Variants in SFT2D2 observed in about 807,000 individuals in gnomAD.
The protein encoded by SFT2D2 is SFT2 domain containing 2, also known as vesicle transport protein SFT2B.
SFT2D2 carries 21 observed loss-of-function variants against 27.4 expected under a neutral mutation model. The observed-to-expected ratio is 0.77, with a 90% CI of 0.54 to 1.10. The LOEUF is 1.10. Ranked by LOEUF, SFT2D2 falls within the 50% of genes least tolerant of loss-of-function variation. The pLI is 0.00. For synonymous variants in SFT2D2, 72 were observed against 71.7 expected (o/e 1.00, Z -0.02); for missense variants, 187 against 194.2 (o/e 0.96, Z 0.22).
At chr1:168,226,473 CG>C (rs1033916278) in intron 1 of SFT2D2, among the ~76,000 whole-genome samples, 2 of 152,142 alleles carry the variant, frequency 1.3e-5, no homozygotes, top group Non-Finnish European at 2.9e-5. Context: ...GCTTTAGGGC[CG>C]GGTAGGGCTG....
At chr1:168,234,798 A>G (rs1052131527) in intron 3 of SFT2D2, among the ~76,000 whole-genome samples, 1 of 152,158 alleles carries the variant, frequency 6.6e-6, no homozygotes, top group East Asian at 1.9e-4. Flanking sequence ...TATCCAACCT[A>G]GTGGTATGAT....
At position 168,231,852 on chromosome 1, in the gene SFT2D2, G is replaced by A. The variant is rs368001850; in HGVS notation, c.169G>A (p.Val57Met). 5 of 1,613,992 alleles carry A rather than the reference G, an allele frequency of 3.1e-6. No homozygotes were observed. Among genetic ancestry groups the A allele is most frequent in the Admixed American group, 1.7e-5 (1 of 59,996 alleles). ...CSLLGTVLLW[V>M]PRKGLHLFAV... ...ATTCCAGGGTACTGTTCTGCTGTGGGTGCCCAGGAAGGGACTACACCTCTT... is the reference window on the plus strand; with the variant it reads ...ATTCCAGGGTACTGTTCTGCTGTGGATGCCCAGGAAGGGACTACACCTCTT... Residue 57 changes from valine (V) to methionine (M), a missense_variant, in exon 3 of 8, where the codon GTG becomes ATG. Val to Met is a conservative substitution (Grantham distance 21). Transcript: ENST00000271375.
intron 1 of SFT2D2, among the ~76,000 whole-genome samples, chr1:168,229,420 C>T (rs1700491124): frequency 6.6e-6 from 1 of 152,246 alleles, no homozygotes; most frequent in Admixed American, 6.5e-5. Context: ...TTATCCTCTT[C>T]AAATAGAAAG....
intron 1 of SFT2D2, among the ~76,000 whole-genome samples, chr1:168,227,422 GT>G (rs1405155052): frequency 2.3e-4 from 35 of 152,236 alleles, no homozygotes; most frequent in African/African-American, 8.4e-4. Flanking sequence ...ATTTTATTCG[GT>G]TTTGTTTTGT....
At position 168,246,616 on chromosome 1, in the gene SFT2D2, G is replaced by C; in HGVS notation, c.*4076G>C. On this transcript the variant is annotated 3_prime_UTR_variant, in exon 8 of 8. Coordinates refer to ENST00000271375, the MANE Select transcript of SFT2D2 (RefSeq NM_199344.3). ...CTGTAAATGACGCAATTTATCTACT[G>C]TGCCCTGGAAATCAAGCTCTTGGTC... 6.8e-7 allele frequency: 1 copy of C among 1,462,548 alleles called. No homozygotes were observed. Among genetic ancestry groups the C allele is most frequent in the Non-Finnish European group, 9.4e-7 (1 of 1,061,228 alleles). 90.6% of individuals were successfully genotyped at this position (1,462,548 alleles called of 1,614,324 possible).
intron 4 of SFT2D2, among the ~76,000 whole-genome samples, chr1:168,235,567 C>T (rs1211156322): frequency 2.0e-5 from 3 of 152,184 alleles, no homozygotes; most frequent in Non-Finnish European, 4.4e-5. Context: ...GGTGGGTGTC[C>T]TGTCTTATAG....
rs1298486128 is a variant in SFT2D2, at chr1:168,236,709, C to T, written c.355-3C>T. On this transcript the variant is annotated splice_polypyrimidine_tract_variant and splice_region_variant and intron_variant, in intron 5 of 7. Coordinates refer to ENST00000271375, the MANE Select transcript of SFT2D2 (RefSeq NM_199344.3). ...TCCTATAACCATATTATTATTTTTC[C>T]AGTGGCATAACAAGGGACTTGCACT... 14 of 1,613,832 alleles carry T rather than the reference C, an allele frequency of 8.7e-6. No individual in the cohort carries two copies. The highest frequency in any genetic ancestry group is 1.2e-5 in the Non-Finnish European group (14 of 1,180,036).
chr1:168,233,956 T>C lies in SFT2D2; in HGVS notation c.237-1145T>C, dbSNP rs184847799. Reference sequence around the variant, plus strand: ...TTCTCTTAGTTGGGACACTTGAGAGTGAAGCCTTGCAACTTAATGGCACTT... The same window carrying C: ...TTCTCTTAGTTGGGACACTTGAGAGCGAAGCCTTGCAACTTAATGGCACTT... On this transcript the variant is annotated intron_variant, in intron 3 of 7. Transcript: ENST00000271375. Among the ~76,000 whole-genome samples the C allele has an allele frequency of 2.0e-5, 3 of 152,280 alleles. No homozygotes were observed. The East Asian group carries it at 5.8e-4, about 29-fold the overall frequency.
At chr1:168,231,635 T>C in intron 2 of SFT2D2, 35 bp downstream of exon 2, 1 of 1,597,158 alleles carries the variant, frequency 6.3e-7, no homozygotes, top group Non-Finnish European at 8.6e-7. Flanking sequence ...CTTTTCCTTC[T>C]ACCTGTCTTT....
At position 168,249,007 on chromosome 1, in the gene SFT2D2, C is replaced by CT. The variant is rs1647892513; in HGVS notation, c.*6468dup. 6.6e-6 allele frequency: 1 copy of CT among 151,782 alleles called. No individual in the cohort carries two copies. The highest frequency in any genetic ancestry group is 6.6e-5 in the Admixed American group (1 of 15,248). The allele number at this position is 151,782 out of a possible 1,614,324, so 9.4% of individuals were successfully genotyped here. ...CTTCTTTATTAGTCTGGCTAGCAGT[C>CT]TATCTATTTTGTTGATCTTTTCAAA... is the stretch of plus-strand genomic sequence containing the variant. On this transcript the variant is annotated 3_prime_UTR_variant, in exon 8 of 8. Transcript: ENST00000271375.
intron 7 of SFT2D2, among the ~76,000 whole-genome samples, chr1:168,241,456 G>C (rs1647642539): frequency 6.6e-6 from 1 of 151,908 alleles, no homozygotes; most frequent in African/African-American, 2.4e-5. Context: ...GCCTCCCAAA[G>C]TGCTGGGTTT....
Position 168,245,513 on chromosome 1 carries a change from T to C in SFT2D2, c.*2973T>C, listed in dbSNP as rs575842105. On this transcript the variant is annotated 3_prime_UTR_variant, in exon 8 of 8. Coordinates refer to ENST00000271375, the MANE Select transcript of SFT2D2 (RefSeq NM_199344.3). Reference sequence around the variant, plus strand: ...CTCAACATTGTTGATGTTAATTCTTTCCCATATTAATCTATAGATATAATG... The same window carrying C: ...CTCAACATTGTTGATGTTAATTCTTCCCCATATTAATCTATAGATATAATG... 1.2e-3 allele frequency: 177 copies of C among 151,194 alleles called. No individual in the cohort carries two copies. Among genetic ancestry groups the C allele is most frequent in the African/African-American group, 4.0e-3 (165 of 41,300 alleles). 9.4% of individuals were successfully genotyped at this position (151,194 alleles called of 1,614,324 possible).
In SFT2D2 at chr1:168,246,580, T is replaced by A. The variant is rs907541230; in HGVS notation, c.*4040T>A. ...CTGAGAAAGAATCAGAACATGAGAA[T>A]TCAAATTTTCCTGTAAATGACGCAA... On this transcript the variant is annotated 3_prime_UTR_variant, in exon 8 of 8. Coordinates refer to ENST00000271375, the MANE Select transcript of SFT2D2 (RefSeq NM_199344.3). 4.0e-6 allele frequency: 6 copies of A among 1,511,932 alleles called. No individual in the cohort carries two copies. Among genetic ancestry groups the A allele is most frequent in the Non-Finnish European group, 4.5e-6 (5 of 1,104,596 alleles). 93.7% of individuals were successfully genotyped at this position (1,511,932 alleles called of 1,614,324 possible). A position where few individuals can be genotyped will look rare whatever the true frequency, so the allele number is the denominator to read the frequency against.
In SFT2D2 at chr1:168,226,205, G is replaced by GGCCTGGGAAGCCTGCGGGGACT. The variant is rs571577249; in HGVS notation, c.63+64_63+85dup. ...GCTCCCGCCCTGCGTCCCCTGCCCG[G>GGCCTGGGAAGCCTGCGGGGACT]GCCTGGGAAGCCTGCGGGGACTCCC... is the stretch of plus-strand genomic sequence containing the variant. On this transcript the variant is annotated intron_variant, in intron 1 of 7. Coordinates refer to ENST00000271375, the MANE Select transcript of SFT2D2 (RefSeq NM_199344.3). The GGCCTGGGAAGCCTGCGGGGACT allele has an allele frequency of 5.0e-4, 722 of 1,456,766 alleles. 2 individuals carry two copies. The African/African-American group carries it at 7.5e-3, about 15-fold the overall frequency. 90.2% of individuals were successfully genotyped at this position (1,456,766 alleles called of 1,614,324 possible).
In SFT2D2 at chr1:168,246,632, G is replaced by A. The variant is rs1647820327; in HGVS notation, c.*4092G>A. ...TTATCTACTGTGCCCTGGAAATCAA[G>A]CTCTTGGTCTCTTTCTGTTGAGTGA... On this transcript the variant is annotated 3_prime_UTR_variant, in exon 8 of 8. Coordinates refer to ENST00000271375, the MANE Select transcript of SFT2D2 (RefSeq NM_199344.3). 4.2e-6 allele frequency: 6 copies of A among 1,418,154 alleles called. No individual in the cohort carries two copies. In the South Asian group the frequency reaches 6.8e-5, roughly 16 times the overall value. 87.8% of individuals were successfully genotyped at this position (1,418,154 alleles called of 1,614,324 possible). A position where few individuals can be genotyped will look rare whatever the true frequency, so the allele number is the denominator to read the frequency against.
rs763871684 is a variant in SFT2D2 at position 168,239,174 on chromosome 1, T to C, written c.443+14T>C. ...ACCATTTGCAAGGTAAGACTGTGTA[T>C]TTGGAAATAATGATTTCTGTCATTT... On this transcript the variant is annotated intron_variant, in intron 7 of 7. Coordinates refer to ENST00000271375, the MANE Select transcript of SFT2D2 (RefSeq NM_199344.3). The C allele has an allele frequency of 5.7e-6, 9 of 1,587,532 alleles. No homozygotes were observed. The highest frequency in any genetic ancestry group is 7.8e-6 in the Non-Finnish European group (9 of 1,156,294).
intron 1 of SFT2D2, among the ~76,000 whole-genome samples, chr1:168,229,424 T>C (rs1195528910): frequency 6.6e-6 from 1 of 152,238 alleles, no homozygotes; most frequent in Admixed American, 6.5e-5. Context: ...CCTCTTCAAA[T>C]AGAAAGGTTG....
intron 3 of SFT2D2, among the ~76,000 whole-genome samples, chr1:168,232,226 G>C (rs958930936): frequency 6.6e-6 from 1 of 152,164 alleles, no homozygotes; most frequent in African/African-American, 2.4e-5. Flanking sequence ...TATTCTTACT[G>C]CTGTCAGAGA....
rs1310435946 is a variant in SFT2D2, at chr1:168,231,579, A to T, written c.129A>T (p.Ile43=). 1 of 1,614,032 alleles carries T rather than the reference A, an allele frequency of 6.2e-7. No individual in the cohort carries two copies. Among genetic ancestry groups the T allele is most frequent in the East Asian group, 2.2e-5 (1 of 44,876 alleles). The part of the protein sequence containing the change: ...RIKGFIACFA[I]GILCSLLGTV... ...AAGGCTTCATTGCGTGTTTTGCTAT[A>T]GGAATTCTCTGCTCACTGCTGGTAA... Residue 43 remains isoleucine (I), a synonymous_variant, in exon 2 of 8, where the codon ATA becomes ATT. Coordinates refer to ENST00000271375, the MANE Select transcript of SFT2D2 (RefSeq NM_199344.3).
Sources: gnomAD v4.1 joint callset for allele counts (sites outside exome capture counted in the v4.1 genomes callset) on GRCh38, gnomAD v4.1.1 for gene constraint, MANE v1.5 for transcripts, NCBI Gene and HGNC (gene_info 2026-07-23, HGNC 2026-07-21) for gene names.